Variants in SAMD12 observed in about 807,000 individuals in gnomAD.
The protein encoded by SAMD12 is sterile alpha motif domain-containing protein 12.
Under a neutral mutation model 15.0 loss-of-function variants are expected in SAMD12, and 9 were observed. The observed-to-expected ratio is 0.60, with a 90% CI of 0.36 to 1.05. The LOEUF (loss-of-function observed/expected upper bound fraction) is 1.05. Ranked by LOEUF, SAMD12 falls within the 50% of genes least tolerant of loss-of-function variation. SAMD12 has a pLI of 0.01. For missense variants in SAMD12, 230 were observed against 234.2 expected (o/e 0.98, Z 0.12); for synonymous variants, 86 against 90.1 (o/e 0.96, Z 0.25).
intron 4 of SAMD12, among the ~76,000 whole-genome samples, chr8:118,246,302 G>A (rs1812696620): frequency 6.6e-6 from 1 of 152,126 alleles, no homozygotes; most frequent in African/African-American, 2.4e-5. Flanking sequence ...GATTGGTTTA[G>A]GAATGGGCAC....
intron 4 of SAMD12, among the ~76,000 whole-genome samples, chr8:118,263,420 T>C (rs1813128672): frequency 6.6e-6 from 1 of 152,030 alleles, no homozygotes; most frequent in Non-Finnish European, 1.5e-5. Flanking sequence ...TATTGGATAT[T>C]GGGAAATGTG....
chr8:118,449,815 A>AAC lies in SAMD12; in HGVS notation c.193-9855_193-9854insGT, dbSNP rs1554666049. On this transcript the variant is annotated intron_variant, in intron 2 of 3. Coordinates refer to ENST00000314727, the MANE Select transcript of SAMD12 (RefSeq NM_207506.3). ...GACTGTCTCAAAAAAAAAAAAAAAA[A>AAC]AACAACAAAAAAAAAGGTGAGAAAA... 5.8e-3 allele frequency among the ~76,000 whole-genome samples: 812 copies of AAC among 138,908 alleles called. 9 individuals carry two copies. The highest frequency in any genetic ancestry group is 0.017 in the African/African-American group (567 of 32,946). The allele number at this position is 138,908 out of a possible 152,430, so 91.1% of individuals were successfully genotyped here. A position where few individuals can be genotyped will look rare whatever the true frequency, so the allele number is the denominator to read the frequency against.
chr8:118,336,875 G>A (rs535592753), intron 4 of SAMD12, among the ~76,000 whole-genome samples: 30 of 152,294 alleles, frequency 2.0e-4, no homozygotes, highest in East Asian at 9.7e-4. Context: ...CATGGATGAA[G>A]CTGGAAACCA....
At chr8:118,582,352 G>A (rs1404263032) in intron 1 of SAMD12, among the ~76,000 whole-genome samples, 3 of 152,054 alleles carry the variant, frequency 2.0e-5, no homozygotes, top group Non-Finnish European at 4.4e-5. Context: ...ATCACTCTAT[G>A]ATCCATCACT....
chr8:118,619,137 T>C (rs2131330121), intron 1 of SAMD12, among the ~76,000 whole-genome samples: 1 of 152,270 alleles, frequency 6.6e-6, no homozygotes, highest in East Asian at 1.9e-4. Context: ...CAGCAGTTCC[T>C]ACATATCCCA....
chr8:118,293,193 G>A (rs551555487), intron 4 of SAMD12, among the ~76,000 whole-genome samples: 1 of 152,232 alleles, frequency 6.6e-6, no homozygotes, highest in East Asian at 1.9e-4. Context: ...GAAACCAGCT[G>A]AATGTTTTCC....
Position 118,432,759 on chromosome 8 carries a change from A to G in SAMD12, c.322+7073T>C, listed in dbSNP as rs1490791135. Among the ~76,000 whole-genome samples the G allele has an allele frequency of 4.6e-5, 7 of 152,142 alleles. No homozygotes were observed. In the South Asian group the frequency reaches 1.2e-3, roughly 27 times the overall value. On this transcript the variant is annotated intron_variant, in intron 3 of 3. Coordinates refer to ENST00000314727, the MANE Select transcript of SAMD12 (RefSeq NM_207506.3). ...GGTGGGTGTCAAGAAGGTAGAGAGT[A>G]TGACATTTGACAACCCTTGAAAGTA...
rs996688127 is a variant in SAMD12, at chr8:118,515,376, C to G, written c.192+65339G>C. Among the ~76,000 whole-genome samples the G allele has an allele frequency of 5.3e-5, 8 of 152,020 alleles. 1 individual carries two copies. In the South Asian group the frequency reaches 1.2e-3, roughly 24 times the overall value. On this transcript the variant is annotated intron_variant, in intron 2 of 3. Coordinates refer to ENST00000314727, the MANE Select transcript of SAMD12 (RefSeq NM_207506.3). ...GTAAGATGCGTCTGCTTCCACTTCA[C>G]CTTCTGCCACGATTGAAAGTTTCCT...
intron 4 of SAMD12, among the ~76,000 whole-genome samples, chr8:118,356,986 A>T (rs1458984261): frequency 6.6e-6 from 1 of 152,152 alleles, no homozygotes; most frequent in Non-Finnish European, 1.5e-5. Context: ...GTTCACTTCT[A>T]CATTTCTGCA....
chr8:118,275,694 G>T (rs1813458280), intron 4 of SAMD12, among the ~76,000 whole-genome samples: 1 of 152,076 alleles, frequency 6.6e-6, no homozygotes, highest in Non-Finnish European at 1.5e-5. Flanking sequence ...TAATTTTTCA[G>T]TCTTTGACCC....
intron 4 of SAMD12, among the ~76,000 whole-genome samples, chr8:118,213,830 T>A (rs554113025): frequency 2.6e-5 from 4 of 152,326 alleles, no homozygotes; most frequent in African/African-American, 9.6e-5. Context: ...ATGGAGCTCC[T>A]AAAGTCTTAT....
At chr8:118,598,858 G>A (rs1244686743) in intron 1 of SAMD12, among the ~76,000 whole-genome samples, 1 of 152,106 alleles carries the variant, frequency 6.6e-6, no homozygotes, top group Non-Finnish European at 1.5e-5. Context: ...GGCCAACCAT[G>A]AGCAATCCTG....
intron 4 of SAMD12, among the ~76,000 whole-genome samples, chr8:118,327,367 A>C (rs1816615722): frequency 6.6e-6 from 1 of 152,192 alleles, no homozygotes; most frequent in African/African-American, 2.4e-5. Flanking sequence ...ATTCTCTTGA[A>C]AGCAGAAAAT....
intron 4 of SAMD12, among the ~76,000 whole-genome samples, chr8:118,298,111 G>A (rs1048605222): frequency 6.6e-6 from 1 of 152,162 alleles, no homozygotes; most frequent in African/African-American, 2.4e-5. Flanking sequence ...ACATACATAT[G>A]TAGTTCCTTG....
chr8:118,272,484 T>A (rs1042992743), intron 4 of SAMD12, among the ~76,000 whole-genome samples: 2 of 152,350 alleles, frequency 1.3e-5, no homozygotes, highest in South Asian at 4.1e-4. Flanking sequence ...GTCTGGGTGA[T>A]TAACATTTGG....
intron 2 of SAMD12, among the ~76,000 whole-genome samples, chr8:118,486,868 G>A (rs1423810006): frequency 1.3e-5 from 2 of 152,340 alleles, no homozygotes; most frequent in African/African-American, 2.4e-5. Context: ...TGAGAGAGGC[G>A]TGGCTGGAGC....
At chr8:118,421,802 T>C (rs1404949922) in intron 3 of SAMD12, among the ~76,000 whole-genome samples, 2 of 152,332 alleles carry the variant, frequency 1.3e-5, no homozygotes, top group East Asian at 3.9e-4. Flanking sequence ...AGCAAAGTTC[T>C]GACACAGTCT....
chr8:118,350,370 C>T (rs1042630461), intron 4 of SAMD12, among the ~76,000 whole-genome samples: 2 of 152,186 alleles, frequency 1.3e-5, no homozygotes, highest in Admixed American at 1.3e-4. Flanking sequence ...TCAATCCTAA[C>T]TTGATAGCAA....
intron 4 of SAMD12, among the ~76,000 whole-genome samples, chr8:118,328,020 A>T (rs1170487374): frequency 6.6e-6 from 1 of 152,236 alleles, no homozygotes; most frequent in Non-Finnish European, 1.5e-5. Flanking sequence ...AATATATAAT[A>T]ATGTAACAAA....
Sources: allele counts gnomAD v4.1 joint callset (sites outside exome capture counted in the v4.1 genomes callset), GRCh38; gene constraint gnomAD v4.1.1; transcripts MANE v1.5; gene names NCBI Gene and HGNC (gene_info 2026-07-23, HGNC 2026-07-21).